The following SPARC variants were observed in gnomAD, a reference collection of about 807,000 sequenced individuals.
The protein encoded by SPARC is secreted protein acidic and cysteine rich.
SPARC carries 23 observed loss-of-function variants against 37.7 expected under a neutral mutation model. The ratio of observed to expected loss-of-function variants is 0.61; its 90% CI spans 0.44 to 0.87. The LOEUF (loss-of-function observed/expected upper bound fraction) is 0.87. SPARC is among the 40% of genes least tolerant of loss of function. SPARC has a pLI of 0.00. For missense variants in SPARC, 312 were observed against 389.0 expected (o/e 0.80, Z 1.66); for synonymous variants, 155 against 150.8 (o/e 1.03, Z -0.20).
intron 4 of SPARC, 52 bp from the exon 5 acceptor site, chr5:151,671,746 C>A: frequency 6.2e-7 from 1 of 1,606,602 alleles, no homozygotes; most frequent in Non-Finnish European, 8.5e-7. Flanking sequence ...AGCACATCCA[C>A]CCCCATCCTA....
At chr5:151,678,416 TC>T (rs1321212184) in intron 1 of SPARC, among the ~76,000 whole-genome samples, 1 of 152,148 alleles carries the variant, frequency 6.6e-6, no homozygotes. Context: ...GCCACCCCCA[TC>T]CCTGCTGTTG....
chr5:151,674,013 T>TGTGC (rs1433743125), intron 3 of SPARC, among the ~76,000 whole-genome samples: 240 of 123,586 alleles, frequency 1.9e-3, no homozygotes, highest in African/African-American at 4.0e-3. Flanking sequence ...TGTGTGCTTG[T>TGTGC]TTGTTTGTTT....
chr5:151,675,056 G>A (rs1194430916), intron 2 of SPARC, among the ~76,000 whole-genome samples: 1 of 152,202 alleles, frequency 6.6e-6, no homozygotes, highest in Non-Finnish European at 1.5e-5. Context: ...TTTAACAGAT[G>A]TCATCATCTT....
intron 1 of SPARC, among the ~76,000 whole-genome samples, chr5:151,676,745 C>T (rs1760866937): frequency 6.6e-6 from 1 of 152,062 alleles, no homozygotes; most frequent in Non-Finnish European, 1.5e-5. Context: ...TTATTTTTTT[C>T]CCTAAACCCA....
chr5:151,683,362 T>A (rs1189391045), intron 1 of SPARC, among the ~76,000 whole-genome samples: 1 of 152,338 alleles, frequency 6.6e-6, no homozygotes, highest in Non-Finnish European at 1.5e-5. Flanking sequence ...TCCATGGGGC[T>A]TGTGTGCATA....
chr5:151,683,674 T>C (rs569625134), intron 1 of SPARC, among the ~76,000 whole-genome samples: 1 of 152,082 alleles, frequency 6.6e-6, no homozygotes, highest in East Asian at 1.9e-4. Context: ...GTATACCTGA[T>C]GGCATGTCTG....
chr5:151,667,022 CA>C (rs1260249641), intron 7 of SPARC, among the ~76,000 whole-genome samples: 1 of 151,956 alleles, frequency 6.6e-6, no homozygotes, highest in Non-Finnish European at 1.5e-5. Context: ...GACTTTGCCT[CA>C]AAAAAATAAA....
intron 1 of SPARC, chr5:151,685,109 A>C (rs969779010): frequency 1.3e-5 from 2 of 152,156 alleles, no homozygotes; most frequent in Non-Finnish European, 2.9e-5. Flanking sequence ...GGCAGAGAAG[A>C]GCCTTCTGGT....
intron 8 of SPARC, 21 bp downstream of exon 8, chr5:151,666,340 C>T (rs368562819): frequency 7.5e-6 from 12 of 1,610,596 alleles, no homozygotes; most frequent in Non-Finnish European, 1.0e-5. Context: ...GCTCTGTTCA[C>T]TCTAGGGTCT....
At chr5:151,664,890 G>A (rs1760589318) in intron 8 of SPARC, among the ~76,000 whole-genome samples, 1 of 152,092 alleles carries the variant, frequency 6.6e-6, no homozygotes. Context: ...TATTCTCCCT[G>A]CTGGCCTTAG....
At position 151,666,563 on chromosome 5, in the gene SPARC, A is replaced by T; in HGVS notation, c.586-54T>A. ...GAGGTCCATGGAGATTGTCTGGACC[A>T]GTCGGGCCCTCCCACCCCTCCCAGA... is the stretch of plus-strand genomic sequence containing the variant. On this transcript the variant is annotated intron_variant, in intron 7 of 9. Coordinates refer to ENST00000231061, the MANE Select transcript of SPARC (RefSeq NM_003118.4). 4 of 1,555,884 alleles carry T rather than the reference A, an allele frequency of 2.6e-6. No individual in the cohort carries two copies. The Admixed American group carries it at 5.2e-5, about 20-fold the overall frequency.
chr5:151,672,264 A>C (rs539513622), intron 4 of SPARC, among the ~76,000 whole-genome samples: 1 of 152,350 alleles, frequency 6.6e-6, no homozygotes, highest in South Asian at 2.1e-4. Context: ...TGTTCAACAG[A>C]AACCCTGTGC....
intron 4 of SPARC, chr5:151,671,970 C>T: frequency 2.4e-6 from 1 of 409,092 alleles, no homozygotes; most frequent in Non-Finnish European, 4.4e-6. Flanking sequence ...ACACTAGATA[C>T]CATATGGCTT....
intron 1 of SPARC, among the ~76,000 whole-genome samples, chr5:151,683,201 C>T (rs1761038531): frequency 6.6e-6 from 1 of 152,166 alleles, no homozygotes; most frequent in Non-Finnish European, 1.5e-5. Flanking sequence ...TTGAAACTGA[C>T]GTTTGGGAGG....
intron 1 of SPARC, among the ~76,000 whole-genome samples, chr5:151,682,634 C>T (rs1195618869): frequency 6.6e-6 from 1 of 152,178 alleles, no homozygotes. Flanking sequence ...TGTTGTCAGG[C>T]CACATGAAAC....
intron 5 of SPARC, among the ~76,000 whole-genome samples, chr5:151,671,268 C>T (rs1286026087): frequency 6.6e-6 from 1 of 152,118 alleles, no homozygotes; most frequent in Non-Finnish European, 1.5e-5. Context: ...TTCAGTTTGG[C>T]CCCAGAACCC....
chr5:151,662,698 T>A lies in SPARC; in HGVS notation c.*873A>T, dbSNP rs1238420438. The A allele has an allele frequency of 6.6e-6, 1 of 152,482 alleles. No individual in the cohort carries two copies. The highest frequency in any genetic ancestry group is 1.9e-4 in the East Asian group (1 of 5,196). The allele number at this position is 152,482 out of a possible 1,614,324, so 9.4% of individuals were successfully genotyped here. ...CAAATGTGAGGAAAGAACAACCGAT[T>A]CACCAACTCCACTTTTTCTATTTTA... On this transcript the variant is annotated 3_prime_UTR_variant, in exon 10 of 10. Transcript: ENST00000231061.
At chr5:151,670,812 G>C (rs1760732757) in intron 5 of SPARC, among the ~76,000 whole-genome samples, 2 of 152,154 alleles carry the variant, frequency 1.3e-5, no homozygotes, top group Non-Finnish European at 2.9e-5. Context: ...ACTGGGAGTG[G>C]GGAGGGGTGA....
intron 6 of SPARC, 147 bp downstream of exon 6, chr5:151,669,517 T>C: frequency 8.3e-6 from 8 of 961,240 alleles, no homozygotes; most frequent in Non-Finnish European, 1.2e-5. Context: ...GACAATTACC[T>C]CATTTTATAA....
Sources: allele counts gnomAD v4.1 joint callset (sites outside exome capture counted in the v4.1 genomes callset), GRCh38; gene constraint gnomAD v4.1.1; transcripts MANE v1.5; gene names NCBI Gene and HGNC (gene_info 2026-07-23, HGNC 2026-07-21).